The following SGMS1 variants were observed in gnomAD, a reference collection of about 807,000 sequenced individuals.
SGMS1 encodes sphingomyelin synthase 1.
SGMS1 carries 13 observed loss-of-function variants against 46.2 expected under a neutral mutation model. The observed-to-expected ratio is 0.28, with a 90% CI of 0.18 to 0.45. SGMS1 has a LOEUF of 0.45. SGMS1 is among the 20% of genes least tolerant of loss of function. The pLI is 1.00. For missense variants in SGMS1, 324 were observed against 519.9 expected (o/e 0.62, Z 3.66); for synonymous variants, 203 against 187.8 (o/e 1.08, Z -0.66).
At chr10:50,440,969 T>C (rs1237606452) in intron 5 of SGMS1, among the ~76,000 whole-genome samples, 1 of 152,218 alleles carries the variant, frequency 6.6e-6, no homozygotes, top group African/African-American at 2.4e-5. Context: ...AAGAGCACTC[T>C]GAGGCATGTT....
chr10:50,426,595 C>T (rs562128888), intron 6 of SGMS1, among the ~76,000 whole-genome samples: 49 of 152,324 alleles, frequency 3.2e-4, no homozygotes, highest in African/African-American at 1.2e-3. Context: ...GTTTGAAAGC[C>T]CCTGGTCCAA....
At chr10:50,580,646 C>A (rs906123502) in intron 2 of SGMS1, among the ~76,000 whole-genome samples, 1 of 152,184 alleles carries the variant, frequency 6.6e-6, no homozygotes, top group African/African-American at 2.4e-5. Context: ...TTCAGTGGCT[C>A]TCACACTTGA....
chr10:50,485,836 G>T (rs923628961), intron 3 of SGMS1, among the ~76,000 whole-genome samples: 21 of 152,124 alleles, frequency 1.4e-4, no homozygotes, highest in African/African-American at 4.1e-4. Flanking sequence ...GGAGGCAAAG[G>T]TTGCAATGAG....
intron 3 of SGMS1, among the ~76,000 whole-genome samples, chr10:50,470,907 G>A (rs1460314005): frequency 2.6e-5 from 4 of 152,128 alleles, no homozygotes; most frequent in Admixed American, 1.3e-4. Context: ...AAACGCATTT[G>A]CATAGAGGAG....
At chr10:50,492,210 T>G (rs952319173) in intron 3 of SGMS1, among the ~76,000 whole-genome samples, 1 of 152,288 alleles carries the variant, frequency 6.6e-6, no homozygotes, top group East Asian at 1.9e-4. Context: ...CAGCCAACAT[T>G]GTACTGAATG....
rs566436358 is a variant in SGMS1, at chr10:50,623,387, G to A, written c.-684+320C>T. On this transcript the variant is annotated intron_variant, in intron 1 of 10. Coordinates refer to ENST00000361781, the MANE Select transcript of SGMS1 (RefSeq NM_147156.4). ...CAGGCAGCCTTCCAGCCCGCACGCA[G>A]TAGCTCTGAAAAGGTGCCCACTGAC... is the stretch of plus-strand genomic sequence containing the variant. Among the ~76,000 whole-genome samples the A allele has an allele frequency of 2.1e-4, 32 of 152,256 alleles. No individual in the cohort carries two copies. In the South Asian group the frequency reaches 6.6e-3, roughly 32 times the overall value.
chr10:50,431,834 A>T (rs188028588), intron 6 of SGMS1, among the ~76,000 whole-genome samples: 1 of 152,320 alleles, frequency 6.6e-6, no homozygotes, highest in East Asian at 1.9e-4. Flanking sequence ...TTCAATAGGC[A>T]GTGAGCAGAA....
chr10:50,529,801 C>A (rs1304205837), intron 2 of SGMS1, among the ~76,000 whole-genome samples: 2 of 152,118 alleles, frequency 1.3e-5, no homozygotes, highest in Admixed American at 1.3e-4. Flanking sequence ...AATGGAGGGA[C>A]AGACTCTAAA....
chr10:50,586,341 G>A (rs751673660), intron 2 of SGMS1, among the ~76,000 whole-genome samples: 10 of 152,236 alleles, frequency 6.6e-5, no homozygotes, highest in South Asian at 2.1e-4. Flanking sequence ...TTTCAGTCAC[G>A]TTACCAGCCT....
intron 1 of SGMS1, among the ~76,000 whole-genome samples, chr10:50,606,041 C>T (rs1427808763): frequency 6.6e-6 from 1 of 152,172 alleles, no homozygotes; most frequent in Non-Finnish European, 1.5e-5. Flanking sequence ...TATTTGTACA[C>T]CTGTGTTCAC....
intron 5 of SGMS1, among the ~76,000 whole-genome samples, chr10:50,449,673 G>A (rs1317079855): frequency 6.6e-6 from 1 of 151,020 alleles, no homozygotes; most frequent in Non-Finnish European, 1.5e-5. Context: ...GTACACACAT[G>A]CCCCAATTAG....
At chr10:50,338,742 G>A (rs116520676) in intron 7 of SGMS1, among the ~76,000 whole-genome samples, 1,730 of 150,680 alleles carry the variant, frequency 0.011, 39 homozygotes, top group African/African-American at 0.041. Context: ...TACTGCAATG[G>A]CATTTTTTTT....
chr10:50,325,363 A>G (rs1420693903), intron 8 of SGMS1, among the ~76,000 whole-genome samples: 1 of 152,212 alleles, frequency 6.6e-6, no homozygotes, highest in African/African-American at 2.4e-5. Context: ...AGTTTTAACT[A>G]GTATTTTTTT....
At chr10:50,578,835 T>C (rs1446810910) in intron 2 of SGMS1, among the ~76,000 whole-genome samples, 2 of 152,110 alleles carry the variant, frequency 1.3e-5, no homozygotes, top group South Asian at 2.1e-4. Context: ...AGGACAAAGA[T>C]AATAGGACAA....
At chr10:50,547,180 A>T (rs533395908) in intron 2 of SGMS1, among the ~76,000 whole-genome samples, 1 of 152,322 alleles carries the variant, frequency 6.6e-6, no homozygotes, top group Admixed American at 6.5e-5. Context: ...ACAAATCACA[A>T]CATTTGAGGA....
At chr10:50,536,678 A>G (rs1034809233) in intron 2 of SGMS1, among the ~76,000 whole-genome samples, 3 of 152,212 alleles carry the variant, frequency 2.0e-5, no homozygotes, top group Admixed American at 6.5e-5. Context: ...CTCCATGTTT[A>G]CAAAGTTTCC....
At chr10:50,617,526 G>A (rs1313301332) in intron 1 of SGMS1, among the ~76,000 whole-genome samples, 1 of 152,088 alleles carries the variant, frequency 6.6e-6, no homozygotes, top group Non-Finnish European at 1.5e-5. Flanking sequence ...TAATCAAGCT[G>A]TACACTTTGA....
At chr10:50,338,564 A>G (rs1847754983) in intron 7 of SGMS1, among the ~76,000 whole-genome samples, 2 of 152,170 alleles carry the variant, frequency 1.3e-5, no homozygotes, top group South Asian at 2.1e-4. Context: ...AAAACCTCCT[A>G]TGAGAAAGAT....
chr10:50,483,762 T>C (rs11005882), intron 3 of SGMS1, among the ~76,000 whole-genome samples: 19,979 of 152,064 alleles, frequency 0.13, 1,417 homozygotes, highest in Middle Eastern at 0.22. Flanking sequence ...CACAACTATA[T>C]GGAAATTGAT....
Sources: gnomAD v4.1 joint callset for allele counts (sites outside exome capture counted in the v4.1 genomes callset) on GRCh38, gnomAD v4.1.1 for gene constraint, MANE v1.5 for transcripts, NCBI Gene and HGNC (gene_info 2026-07-23, HGNC 2026-07-21) for gene names.